Variants in PLXNA2 observed in about 807,000 individuals in gnomAD.
The protein encoded by PLXNA2 is plexin A2, also known as plexin-A2.
In PLXNA2, 91 loss-of-function variants were observed where a neutral mutation model predicts 193.5. The observed-to-expected ratio is 0.47, with a 90% CI of 0.40 to 0.56. PLXNA2 has a LOEUF of 0.56. Among genes scored for constraint, PLXNA2 ranks in the 20% least tolerant of loss-of-function variants. The pLI, the probability that PLXNA2 is intolerant of heterozygous loss-of-function variation, is 0.00. For missense variants in PLXNA2, 1,995 were observed against 2,503.2 expected (o/e 0.80, Z 4.33); for synonymous variants, 997 against 1,027.3 (o/e 0.97, Z 0.56).
chr1:208,133,940 TCATAGGAA>T (rs1310356200), intron 4 of PLXNA2, among the ~76,000 whole-genome samples: 8 of 152,202 alleles, frequency 5.3e-5, no homozygotes, highest in Non-Finnish European at 8.8e-5. Context: ...CATCTCCTGG[TCATAGGAA>T]CATGATTCTG....
intron 9 of PLXNA2, among the ~76,000 whole-genome samples, chr1:208,091,897 T>C (rs896653375): frequency 6.6e-6 from 1 of 151,832 alleles, no homozygotes; most frequent in South Asian, 2.1e-4. Context: ...TGTAGTTGTA[T>C]ATAAAAATGC....
intron 1 of PLXNA2, among the ~76,000 whole-genome samples, chr1:208,227,172 G>C (rs1671536484): frequency 6.6e-6 from 1 of 152,156 alleles, no homozygotes; most frequent in African/African-American, 2.4e-5. Flanking sequence ...TTCATGTTAG[G>C]AGACCTCATA....
chr1:208,156,250 T>C (rs1668938912), intron 3 of PLXNA2, among the ~76,000 whole-genome samples: 2 of 152,290 alleles, frequency 1.3e-5, no homozygotes, highest in African/African-American at 4.8e-5. Context: ...CGAACGGCTT[T>C]GGGGGCATTC....
intron 3 of PLXNA2, among the ~76,000 whole-genome samples, chr1:208,171,436 C>T (rs904678842): frequency 6.6e-6 from 1 of 152,168 alleles, no homozygotes; most frequent in African/African-American, 2.4e-5. Flanking sequence ...CTGAGTTAGT[C>T]CCCCATTGTA....
chr1:208,128,916 T>G (rs1185181847), intron 4 of PLXNA2, among the ~76,000 whole-genome samples: 1 of 152,138 alleles, frequency 6.6e-6, no homozygotes, highest in East Asian at 1.9e-4. Context: ...TTAGCCAGGA[T>G]GGTCTCCTGA....
chr1:208,158,727 A>G (rs1669013292), intron 3 of PLXNA2, among the ~76,000 whole-genome samples: 1 of 152,254 alleles, frequency 6.6e-6, no homozygotes, highest in Non-Finnish European at 1.5e-5. Context: ...TTAGGCAAAC[A>G]CTATGCAGGA....
At position 208,236,636 on chromosome 1, in the gene PLXNA2, G is replaced by A. The variant is rs571446259; in HGVS notation, c.-81+7007C>T. The stretch of plus-strand genomic sequence containing the variant: ...GCTGACATTCTGAGCTGTCCCTGGC[G>A]TGTTCTCGTTCACTCAGTGAGTTGT... On this transcript the variant is annotated intron_variant, in intron 1 of 31. Coordinates refer to ENST00000367033, the MANE Select transcript of PLXNA2 (RefSeq NM_025179.4). This position sits in a 1 kb window ranked among gnomAD's most constrained non-coding sequence, Gnocchi z 4.4. 4.6e-5 allele frequency among the ~76,000 whole-genome samples: 7 copies of A among 152,332 alleles called. No homozygotes were observed. The highest frequency in any genetic ancestry group is 7.3e-5 in the Non-Finnish European group (5 of 68,034).
chr1:208,108,456 T>C (rs2102426907), intron 4 of PLXNA2, among the ~76,000 whole-genome samples: 1 of 152,264 alleles, frequency 6.6e-6, no homozygotes, highest in Middle Eastern at 3.4e-3. Context: ...TTCCCAATGG[T>C]AGGCATAAGA....
At chr1:208,234,650 A>G (rs1671796829) in intron 1 of PLXNA2, among the ~76,000 whole-genome samples, 1 of 152,168 alleles carries the variant, frequency 6.6e-6, no homozygotes, top group Non-Finnish European at 1.5e-5. Flanking sequence ...TCCTGCTAAC[A>G]CACTCTGTGA....
chr1:208,219,459 C>T (rs562198871), intron 1 of PLXNA2, among the ~76,000 whole-genome samples: 1 of 152,292 alleles, frequency 6.6e-6, no homozygotes, highest in South Asian at 2.1e-4. Flanking sequence ...GGAAGATCAT[C>T]CAGCAACCTT....
chr1:208,051,609 AGG>A (rs1479945730), intron 15 of PLXNA2, among the ~76,000 whole-genome samples, 186 bp from the exon 16 acceptor site: 1 of 152,188 alleles, frequency 6.6e-6, no homozygotes, highest in Non-Finnish European at 1.5e-5. Context: ...TGGATTAGGG[AGG>A]CAGCAAATTG....
At position 208,031,584 on chromosome 1, in the gene PLXNA2, G is replaced by A; in HGVS notation, c.5225+6C>T. Reference sequence around the variant, plus strand: ...GCACCTCCTGCTGAGCTCCCCGAGGGTTTACCAGTTGCTTTTCCAGGTGTG... The same window carrying A: ...GCACCTCCTGCTGAGCTCCCCGAGGATTTACCAGTTGCTTTTCCAGGTGTG... On this transcript the variant is annotated splice_donor_region_variant and intron_variant, in intron 29 of 31. Coordinates refer to ENST00000367033, the MANE Select transcript of PLXNA2 (RefSeq NM_025179.4). 6.2e-7 allele frequency: 1 copy of A among 1,614,036 alleles called. No individual in the cohort carries two copies. Among genetic ancestry groups the A allele is most frequent in the Non-Finnish European group, 8.5e-7 (1 of 1,179,976 alleles).
At chr1:208,081,819 C>T (rs529042062) in intron 11 of PLXNA2, among the ~76,000 whole-genome samples, 4 of 152,268 alleles carry the variant, frequency 2.6e-5, no homozygotes, top group Non-Finnish European at 5.9e-5. Flanking sequence ...GCATTTGCTG[C>T]ACTGAGGGTC....
chr1:208,103,047 G>A, intron 5 of PLXNA2, 100 bp downstream of exon 5: 1 of 592,558 alleles, frequency 1.7e-6, no homozygotes, highest in South Asian at 1.7e-5. Context: ...CTCTGAAGAG[G>A]ACAATTCCTC....
Position 208,217,521 on chromosome 1 carries a change from C to T in PLXNA2, c.402G>A (p.Gln134=), listed in dbSNP as rs1380998454. 1.9e-6 allele frequency: 3 copies of T among 1,614,202 alleles called. No homozygotes were observed. Among genetic ancestry groups the T allele is most frequent in the Non-Finnish European group, 2.5e-6 (3 of 1,180,030 alleles). Residue 134 remains glutamine, a synonymous_variant, in exon 2 of 32, where the codon CAG becomes CAA. Transcript: ENST00000367033. This position sits in a 1 kb window ranked among gnomAD's most constrained non-coding sequence, Gnocchi z 4.7. The part of the protein sequence containing the change: ...NRLLACGSLY[Q]GVCKLLRLDD... ...CCAGCCGCAGCAGCTTGCAGACCCC[C>T]TGGTAGAGGCTCCCACAGGCCAGCA...
chr1:208,174,750 C>T (rs1337383196), intron 3 of PLXNA2, among the ~76,000 whole-genome samples: 3 of 152,328 alleles, frequency 2.0e-5, no homozygotes. Flanking sequence ...ACAATGCACT[C>T]CCTGCTCCAC....
intron 1 of PLXNA2, among the ~76,000 whole-genome samples, chr1:208,219,406 G>T (rs1671246965): frequency 6.6e-6 from 1 of 152,200 alleles, no homozygotes; most frequent in African/African-American, 2.4e-5. Context: ...GCGGCACCAG[G>T]AGAAGGCAGC....
intron 3 of PLXNA2, among the ~76,000 whole-genome samples, chr1:208,181,848 GA>G (rs1482229875): frequency 1.3e-5 from 2 of 152,184 alleles, no homozygotes; most frequent in Non-Finnish European, 2.9e-5. Flanking sequence ...TAGCTTTTGG[GA>G]GGCAAATGTT....
intron 1 of PLXNA2, among the ~76,000 whole-genome samples, chr1:208,238,530 A>G (rs1671940598): frequency 6.6e-6 from 1 of 152,142 alleles, no homozygotes; most frequent in Non-Finnish European, 1.5e-5. Flanking sequence ...CCAATACTTC[A>G]ATATTTTTCC....
Sources: gnomAD v4.1 joint callset for allele counts (sites outside exome capture counted in the v4.1 genomes callset) on GRCh38, gnomAD v4.1.1 for gene constraint, Gnocchi (gnomAD v3.1) non-coding constraint, MANE v1.5 for transcripts, NCBI Gene and HGNC (gene_info 2026-07-23, HGNC 2026-07-21) for gene names.